The following CDK15 variants were observed in gnomAD, a reference collection of about 807,000 sequenced individuals.
CDK15 encodes cyclin dependent kinase 15, also known as cyclin-dependent kinase 15.
A neutral mutation model predicts 60.3 loss-of-function variants in CDK15; 62 were observed. The ratio of observed to expected loss-of-function variants is 1.03; its 90% confidence interval spans 0.84 to 1.27. The LOEUF is 1.27. CDK15 is among the 50% of genes most tolerant of loss of function. The pLI, the probability that CDK15 is intolerant of heterozygous loss-of-function variation, is 0.00. For synonymous variants in CDK15, 194 were observed against 195.7 expected (o/e 0.99, Z 0.07); for missense variants, 541 against 527.8 (o/e 1.03, Z -0.25).
intron 9 of CDK15, among the ~76,000 whole-genome samples, chr2:201,853,965 T>G (rs142350350): frequency 1.3e-3 from 193 of 151,920 alleles, no homozygotes; most frequent in African/African-American, 4.3e-3. Context: ...ATTGAGACCA[T>G]CCTGGCCAAC....
chr2:201,833,525 A>C lies in CDK15; in HGVS notation c.607-323A>C, dbSNP rs192252321. On this transcript the variant is annotated intron_variant, in intron 6 of 13. Coordinates refer to ENST00000652192, the MANE Select transcript of CDK15 (RefSeq NM_001366386.2). ...AAATTAAATCTTTCACATCTAAATC[A>C]ATAACTAGTGTTCCAAAGGAAACTT... 1.2e-3 allele frequency among the ~76,000 whole-genome samples: 185 copies of C among 152,212 alleles called. 1 individual carries two copies. The highest frequency in any genetic ancestry group is 4.2e-3 in the African/African-American group (173 of 41,538).
chr2:201,836,057 A>AATATATATTTATAT (rs1697028635), intron 8 of CDK15, among the ~76,000 whole-genome samples: 1 of 6,036 alleles, frequency 1.7e-4, no homozygotes, highest in African/African-American at 3.3e-4. Flanking sequence ...TTATATATAT[A>AATATATATTTATAT]TTATATATAT....
At chr2:201,860,825 C>A (rs917900456) in intron 10 of CDK15, 7 of 1,352,048 alleles carry the variant, frequency 5.2e-6, no homozygotes, top group Non-Finnish European at 6.9e-6. Context: ...AGGAATGTCT[C>A]ATTTTGACCT....
intron 12 of CDK15, among the ~76,000 whole-genome samples, chr2:201,885,871 G>C (rs1393600826): frequency 3.5e-4 from 53 of 152,080 alleles, no homozygotes; most frequent in Non-Finnish European, 1.5e-5. Context: ...GTACTAATTG[G>C]TGAGGCTGGA....
At position 201,872,320 on chromosome 2, in the gene CDK15, G is replaced by A. The variant is rs1195860899; in HGVS notation, c.1052G>A (p.Trp351Ter). ...LPTPRSLHVV[W>*]NRLGRVPEAE... ...ACGCCTCGAAGCCTTCATGTTGTCT[G>A]GAACAGGTGAGTACTACCTCAGGAA... Residue 351 changes from tryptophan to a stop codon, truncating the protein, a stop_gained, in exon 11 of 14, where the codon TGG becomes TAG. Coordinates refer to ENST00000652192, the MANE Select transcript of CDK15 (RefSeq NM_001366386.2). LOFTEE classifies it high-confidence loss of function. 2.5e-6 allele frequency: 4 copies of A among 1,613,794 alleles called. No homozygotes were observed. Among genetic ancestry groups the A allele is most frequent in the Admixed American group, 3.3e-5 (2 of 59,984 alleles).
intron 10 of CDK15, among the ~76,000 whole-genome samples, chr2:201,863,708 C>T (rs1698493588): frequency 6.6e-6 from 1 of 152,124 alleles, no homozygotes; most frequent in Non-Finnish European, 1.5e-5. Flanking sequence ...TCAGCCTGGC[C>T]AACATGGTGA....
chr2:201,845,085 G>T (rs1278799456), intron 8 of CDK15, among the ~76,000 whole-genome samples: 1 of 151,962 alleles, frequency 6.6e-6, no homozygotes, highest in African/African-American at 2.4e-5. Flanking sequence ...GGAGGTGGAG[G>T]TTGCAGTGAG....
intron 8 of CDK15, among the ~76,000 whole-genome samples, chr2:201,843,252 T>C (rs1304226118): frequency 2.6e-5 from 4 of 152,180 alleles, no homozygotes; most frequent in Non-Finnish European, 5.9e-5. Flanking sequence ...AGTGGTGCGA[T>C]GTCGGCTCAC....
chr2:201,891,125 C>T (rs781023556), intron 13 of CDK15, among the ~76,000 whole-genome samples, 198 bp downstream of exon 13: 22 of 152,210 alleles, frequency 1.4e-4, no homozygotes, highest in Non-Finnish European at 2.6e-4. Flanking sequence ...ACATGCATTG[C>T]CTTTCTCTTC....
intron 9 of CDK15, among the ~76,000 whole-genome samples, chr2:201,848,838 A>G (rs1282230179): frequency 6.6e-6 from 1 of 152,160 alleles, no homozygotes; most frequent in Non-Finnish European, 1.5e-5. Context: ...CATTTTATAG[A>G]GATTAATTAC....
chr2:201,823,966 A>G (rs1696351234), intron 6 of CDK15, among the ~76,000 whole-genome samples: 1 of 152,234 alleles, frequency 6.6e-6, no homozygotes, highest in Non-Finnish European at 1.5e-5. Flanking sequence ...TGAGCAACCT[A>G]ATGCTGTCAG....
chr2:201,821,932 C>T (rs1037188609), intron 4 of CDK15, among the ~76,000 whole-genome samples: 1 of 152,058 alleles, frequency 6.6e-6, no homozygotes, highest in Non-Finnish European at 1.5e-5. Flanking sequence ...CCACCCACCT[C>T]GGCCTCCCTG....
rs1696891331 is a variant in CDK15 at position 201,833,949 on chromosome 2, A to C, written c.708A>C (p.Gly236=). 1 of 1,613,750 alleles carries C rather than the reference A, an allele frequency of 6.2e-7. No individual in the cohort carries two copies. The highest frequency in any genetic ancestry group is 2.2e-5 in the East Asian group (1 of 44,874). ...AGAACTTACTCATCAGTCACCTGGGAGAGCTCAAACTGGCTGATTTTGGTA... is the reference window on the plus strand; with the variant it reads ...AGAACTTACTCATCAGTCACCTGGGCGAGCTCAAACTGGCTGATTTTGGTA... ...KPQNLLISHL[G]ELKLADFGLA... is the part of the protein sequence containing the mutation. Residue 236 remains glycine, a synonymous_variant, in exon 7 of 14, where the codon GGA becomes GGC. Coordinates refer to ENST00000652192, the MANE Select transcript of CDK15 (RefSeq NM_001366386.2).
At chr2:201,861,551 G>GTTTTTTTTTTTTTTTT (rs538808229) in intron 10 of CDK15, 6 of 627,216 alleles carry the variant, frequency 9.6e-6, no homozygotes, top group African/African-American at 2.5e-5. Flanking sequence ...TTGTTGGTTT[G>GTTTTTTTTTTTTTTTT]TTTTTTTTTT....
intron 10 of CDK15, among the ~76,000 whole-genome samples, chr2:201,868,435 G>A (rs976434361): frequency 6.6e-6 from 1 of 152,100 alleles, no homozygotes; most frequent in South Asian, 2.1e-4. Flanking sequence ...GCCACGCATT[G>A]TTTATACTGC....
At chr2:201,889,527 T>C in intron 12 of CDK15, 1 of 645,290 alleles carries the variant, frequency 1.5e-6, no homozygotes, top group Non-Finnish European at 1.9e-6. Flanking sequence ...TCCGTACTTT[T>C]CAGATAAGCC....
At chr2:201,829,530 A>C (rs1444998617) in intron 6 of CDK15, among the ~76,000 whole-genome samples, 1 of 152,188 alleles carries the variant, frequency 6.6e-6, no homozygotes, top group Non-Finnish European at 1.5e-5. Context: ...TTGGAGAGAT[A>C]CCATGAATTG....
At chr2:201,859,901 C>G (rs1355137005) in intron 10 of CDK15, among the ~76,000 whole-genome samples, 1 of 152,162 alleles carries the variant, frequency 6.6e-6, no homozygotes, top group Non-Finnish European at 1.5e-5. Flanking sequence ...AGAGAATCAA[C>G]TAAATATTTA....
intron 10 of CDK15, among the ~76,000 whole-genome samples, chr2:201,867,619 A>T (rs1698685856): frequency 6.6e-6 from 1 of 152,192 alleles, no homozygotes; most frequent in African/African-American, 2.4e-5. Context: ...CAACAGAATA[A>T]GAACCTCTTT....
Sources: gnomAD v4.1 joint callset for allele counts (sites outside exome capture counted in the v4.1 genomes callset) on GRCh38, gnomAD v4.1.1 for gene constraint, MANE v1.5 for transcripts, NCBI Gene and HGNC (gene_info 2026-07-23, HGNC 2026-07-21) for gene names.